Variants in KPNA2 observed in about 807,000 individuals in gnomAD.
The protein encoded by KPNA2 is importin subunit alpha-1.
KPNA2 carries 20 observed loss-of-function variants against 53.7 expected under a neutral mutation model. The observed-to-expected ratio is 0.37, with a 90% CI of 0.26 to 0.54. KPNA2 has a LOEUF of 0.54. Among genes scored for constraint, KPNA2 ranks in the 20% least tolerant of loss-of-function variants. The pLI is 0.83. For missense variants in KPNA2, 515 were observed against 640.3 expected, an observed-to-expected ratio of 0.80 and a Z score of 2.11; for synonymous variants, 238 against 227.5, an observed-to-expected ratio of 1.05 and a Z score of -0.42.
intron 4 of KPNA2, among the ~76,000 whole-genome samples, chr17:68,041,764 T>G (rs539945078): frequency 1.3e-5 from 2 of 152,166 alleles, no homozygotes; most frequent in South Asian, 4.1e-4. Flanking sequence ...CAGAACAAAT[T>G]CAGTGAGAGT....
At chr17:68,044,629 A>T (rs1425671706) in intron 9 of KPNA2, 126 bp downstream of exon 9, 20 of 728,590 alleles carry the variant, frequency 2.7e-5, no homozygotes, top group Admixed American at 9.5e-5. Flanking sequence ...AAGCCTGTTT[A>T]TGTGGCCACC....
rs189763518 is a variant in KPNA2 at position 68,046,565 on chromosome 17, A to G, written c.1559A>G (p.Gln520Arg). ...TTSEGYTFQV[Q>R]DGAPGTFNF ...TCTGAAGGCTACACTTTCCAAGTTCAGGATGGGGCTCCTGGGACCTTTAAC... is the reference window on the plus strand; with the variant it reads ...TCTGAAGGCTACACTTTCCAAGTTCGGGATGGGGCTCCTGGGACCTTTAAC... The change falls in exon 11 of 11, where the codon CAG becomes CGG. Residue 520 changes from glutamine (Q) to arginine (R), a missense_variant. Gln to Arg is a conservative substitution (Grantham distance 43, BLOSUM62 1). Transcript: ENST00000330459. 6.8e-6 allele frequency: 11 copies of G among 1,611,310 alleles called. No homozygotes were observed. The highest frequency in any genetic ancestry group is 6.7e-5 in the East Asian group (3 of 44,820).
intron 9 of KPNA2, 138 bp from the exon 10 acceptor site, chr17:68,045,634 A>G: frequency 1.5e-6 from 1 of 646,884 alleles, no homozygotes; most frequent in East Asian, 2.6e-5. Flanking sequence ...AATGGACATA[A>G]AACTATGATA....
chr17:68,040,840 A>C, intron 4 of KPNA2, 74 bp downstream of exon 4: 2 of 859,170 alleles, frequency 2.3e-6, no homozygotes, highest in Non-Finnish European at 4.0e-6. Context: ...GGGGTGGGGC[A>C]GGAAGGGACA....
chr17:68,036,942 A>T (rs905853309), intron 1 of KPNA2, 168 bp from the exon 2 acceptor site: 3 of 557,748 alleles, frequency 5.4e-6, no homozygotes, highest in South Asian at 4.6e-5. Context: ...GAAGGGGGAC[A>T]CTTCCCCTTT....
In KPNA2 at chr17:68,042,316, C is replaced by T. The variant is rs781971202; in HGVS notation, c.534C>T (p.Ile178=). 73 of 1,614,034 alleles carry T rather than the reference C, an allele frequency of 4.5e-5. No individual in the cohort carries two copies. In the South Asian group the frequency reaches 7.9e-4, roughly 17 times the overall value. Residue 178 remains isoleucine (I), a synonymous_variant, in exon 5 of 11, where the codon ATC becomes ATT. Coordinates refer to ENST00000330459, the MANE Select transcript of KPNA2 (RefSeq NM_002266.4). The stretch of plus-strand genomic sequence containing the variant: ...TGTTGGCATCTCCCCATGCTCACAT[C>T]AGTGAACAAGCTGTCTGGGCTCTAG... The part of the protein sequence containing the change: ...ISLLASPHAH[I]SEQAVWALGN...
intron 3 of KPNA2, among the ~76,000 whole-genome samples, chr17:68,038,945 T>C (rs2071221379): frequency 6.6e-6 from 1 of 151,988 alleles, no homozygotes; most frequent in Admixed American, 6.6e-5. Context: ...AGCCCGGGAT[T>C]TTGAGGCTGC....
intron 3 of KPNA2, 146 bp downstream of exon 3, chr17:68,037,641 A>G (rs1599138058): frequency 5.0e-6 from 4 of 793,556 alleles, no homozygotes; most frequent in African/African-American, 1.7e-5. Context: ...GCAATTAGTA[A>G]TTGTCTTCTT....
At chr17:68,039,381 A>T (rs943553935) in intron 3 of KPNA2, among the ~76,000 whole-genome samples, 2 of 149,790 alleles carry the variant, frequency 1.3e-5, no homozygotes. Flanking sequence ...TCGGCCTCCC[A>T]AAGTGCTGGG....
At chr17:68,036,115 C>G (rs2071186383) in intron 1 of KPNA2, 1 of 152,252 alleles carries the variant, frequency 6.6e-6, no homozygotes, top group African/African-American at 2.4e-5. Context: ...GGCGAATGTC[C>G]CGGGAGGACT....
rs112072422 is a variant in KPNA2, at chr17:68,044,069, A to G, written c.1162A>G (p.Lys388Glu). The G allele has an allele frequency of 1.2e-6, 2 of 1,601,804 alleles. No individual in the cohort carries two copies. The highest frequency in any genetic ancestry group is 1.7e-6 in the Non-Finnish European group (2 of 1,168,918). Residue 388 changes from lysine to glutamate, a missense_variant and splice_region_variant, in exon 8 of 11, where the codon AAG becomes GAG. Coordinates refer to ENST00000330459, the MANE Select transcript of KPNA2 (RefSeq NM_002266.4). Reference protein sequence around the residue: ...LVPFLVSVLSKADFKTQKEAV... With the variant: ...LVPFLVSVLSEADFKTQKEAV... Reference sequence around the variant, plus strand: ...CCCATTCCTTGTCAGTGTTCTCTCTAAGGTAACGAAGTCTTAGGATTTAAT... The same window carrying G: ...CCCATTCCTTGTCAGTGTTCTCTCTGAGGTAACGAAGTCTTAGGATTTAAT...
chr17:68,041,338 G>A (rs1418209200), intron 4 of KPNA2, among the ~76,000 whole-genome samples: 8 of 152,182 alleles, frequency 5.3e-5, no homozygotes, highest in East Asian at 3.8e-4. Context: ...CCAAGGGGTC[G>A]GTTACTTGAG....
At chr17:68,039,728 C>A (rs62084692) in intron 3 of KPNA2, among the ~76,000 whole-genome samples, 1 of 150,132 alleles carries the variant, frequency 6.7e-6, no homozygotes, top group African/African-American at 2.5e-5. Flanking sequence ...GGTGGTGAGC[C>A]GAGATCACGC....
At chr17:68,042,747 C>T (rs62084698) in intron 5 of KPNA2, among the ~76,000 whole-genome samples, 158 bp from the exon 6 acceptor site, 132,729 of 151,700 alleles carry the variant, frequency 0.87, 60,822 homozygotes, top group East Asian at 1. Context: ...CCGGGCGTGG[C>T]GGCGGGCGCC....
rs1555705020 is a variant in KPNA2 at position 68,043,890 on chromosome 17, C to G, written c.983C>G (p.Thr328Ser). 6.2e-7 allele frequency: 1 copy of G among 1,613,396 alleles called. No individual in the cohort carries two copies. The highest frequency in any genetic ancestry group is 2.2e-5 in the East Asian group (1 of 44,860). ...GNIVTGTDEQ[T>S]QVVIDAGALA... ...ATTGTCACTGGTACAGATGAACAGA[C>G]TCAGGTTGTGATTGATGCAGGAGCA... The change falls in exon 8 of 11, where the codon ACT becomes AGT. Residue 328 changes from threonine (T) to serine (S), a missense_variant. Physicochemically the swap from Thr to Ser is moderately conservative, Grantham distance 58. Coordinates refer to ENST00000330459, the MANE Select transcript of KPNA2 (RefSeq NM_002266.4).
chr17:68,038,162 A>G (rs2071213050), intron 3 of KPNA2, among the ~76,000 whole-genome samples: 2 of 152,104 alleles, frequency 1.3e-5, no homozygotes, highest in South Asian at 4.2e-4. Context: ...TTTTTAGTAG[A>G]GACGGTGTTT....
chr17:68,045,009 C>T (rs782234632), intron 9 of KPNA2, among the ~76,000 whole-genome samples: 1 of 151,000 alleles, frequency 6.6e-6, no homozygotes, highest in Non-Finnish European at 1.5e-5. Context: ...GCAGGAGAAT[C>T]GCTTGAACCC....
intron 4 of KPNA2, 84 bp downstream of exon 4, chr17:68,040,850 A>G: frequency 1.2e-6 from 1 of 821,234 alleles, no homozygotes; most frequent in African/African-American, 1.7e-5. Context: ...AGGAAGGGAC[A>G]GACAGATAGT....
At chr17:68,038,200 C>A (rs1285677878) in intron 3 of KPNA2, among the ~76,000 whole-genome samples, 2 of 152,210 alleles carry the variant, frequency 1.3e-5, no homozygotes, top group Non-Finnish European at 2.9e-5. Flanking sequence ...TGGTCTCGAT[C>A]TCCTGACCTC....
Sources: gnomAD v4.1 joint callset for allele counts (sites outside exome capture counted in the v4.1 genomes callset) on GRCh38, gnomAD v4.1.1 for gene constraint, MANE v1.5 for transcripts, NCBI Gene and HGNC (gene_info 2026-07-23, HGNC 2026-07-21) for gene names.